F13A1: variants seen among roughly 807,000 people sequenced by gnomAD.
F13A1 encodes coagulation factor XIII A chain.
Under a neutral mutation model 80.1 loss-of-function variants are expected in F13A1, and 47 were observed. The observed-to-expected ratio is 0.59, with a 90% CI of 0.46 to 0.75. F13A1 has a LOEUF of 0.75. Among genes scored for constraint, F13A1 ranks in the 30% least tolerant of loss-of-function variants. The pLI is 0.00. For missense variants in F13A1, 817 were observed against 930.4 expected, an observed-to-expected ratio of 0.88 and a Z score of 1.59; for synonymous variants, 349 against 344.9, an observed-to-expected ratio of 1.01 and a Z score of -0.13.
chr6:6,283,316 A>G (rs1161466368), intron 3 of F13A1, among the ~76,000 whole-genome samples: 1 of 152,230 alleles, frequency 6.6e-6, no homozygotes, highest in Non-Finnish European at 1.5e-5. Context: ...TAAATATAAC[A>G]TGTGATCCTG....
rs937329305 is a variant in F13A1 at position 6,251,043 on chromosome 6, A to C, written c.572-114T>G. On this transcript the variant is annotated intron_variant, in intron 4 of 14. Coordinates refer to ENST00000264870, the MANE Select transcript of F13A1 (RefSeq NM_000129.4). ...ACTACATTTAATCAGCCAAATTTTTAAAAAATGCCCTTTGTTTCACCAAGC... is the reference window on the plus strand; with the variant it reads ...ACTACATTTAATCAGCCAAATTTTTCAAAAATGCCCTTTGTTTCACCAAGC... The C allele has an allele frequency of 6.3e-6, 5 of 796,688 alleles. No individual in the cohort carries two copies. The African/African-American group carries it at 8.7e-5, about 14-fold the overall frequency. 49.4% of individuals were successfully genotyped at this position (796,688 alleles called of 1,614,324 possible). A position where few individuals can be genotyped will look rare whatever the true frequency, so the allele number is the denominator to read the frequency against.
chr6:6,231,547 TAG>T (rs1442825834), intron 6 of F13A1, among the ~76,000 whole-genome samples: 7 of 152,218 alleles, frequency 4.6e-5, no homozygotes, highest in African/African-American at 1.7e-4. Flanking sequence ...GCTAGAGACC[TAG>T]ACATCCAAAT....
At chr6:6,169,726 C>T (rs962726750) in intron 12 of F13A1, among the ~76,000 whole-genome samples, 1 of 152,182 alleles carries the variant, frequency 6.6e-6, no homozygotes, top group Admixed American at 6.5e-5. Context: ...TGCAGTTAAA[C>T]ATCCTACAAT....
intron 10 of F13A1, among the ~76,000 whole-genome samples, chr6:6,189,385 C>T (rs374660418): frequency 1.1e-4 from 11 of 103,178 alleles, no homozygotes; most frequent in Non-Finnish European, 1.2e-4. Flanking sequence ...CCATGTTTAG[C>T]GCTTCCTTCA....
chr6:6,290,694 A>G (rs1311868693), intron 3 of F13A1, among the ~76,000 whole-genome samples: 4 of 152,210 alleles, frequency 2.6e-5, no homozygotes, highest in South Asian at 4.1e-4. Context: ...ACACTGTCCT[A>G]CTTTCTTAGA....
At chr6:6,183,636 T>C (rs891479849) in intron 10 of F13A1, among the ~76,000 whole-genome samples, 1 of 152,214 alleles carries the variant, frequency 6.6e-6, no homozygotes, top group African/African-American at 2.4e-5. Flanking sequence ...TACAGTGCGA[T>C]AAGTACCATG....
intron 3 of F13A1, among the ~76,000 whole-genome samples, chr6:6,277,501 T>G (rs944416437): frequency 2.6e-5 from 4 of 152,240 alleles, no homozygotes; most frequent in African/African-American, 4.8e-5. Context: ...TTTTTCTTTT[T>G]GTCTAGCAGC....
intron 3 of F13A1, among the ~76,000 whole-genome samples, chr6:6,273,586 A>G (rs1416291763): frequency 1.3e-5 from 2 of 152,204 alleles, no homozygotes; most frequent in Non-Finnish European, 2.9e-5. Context: ...ACAGGAATCT[A>G]TCATGTCTTC....
intron 10 of F13A1, among the ~76,000 whole-genome samples, chr6:6,183,690 A>C (rs1326160977): frequency 2.0e-5 from 3 of 152,202 alleles, no homozygotes; most frequent in Non-Finnish European, 4.4e-5. Flanking sequence ...GGGGCAGTGG[A>C]GTCAAGGGTT....
At chr6:6,285,713 G>A (rs528392181) in intron 3 of F13A1, among the ~76,000 whole-genome samples, 49 of 152,312 alleles carry the variant, frequency 3.2e-4, no homozygotes, top group African/African-American at 1.1e-3. Context: ...AATGGCAGGC[G>A]ACCATCAGGT....
rs3024396 is a variant in F13A1 at position 6,224,432 on chromosome 6, C to T, written c.973+254G>A. Among the ~76,000 whole-genome samples the T allele has an allele frequency of 4.2e-3, 646 of 152,030 alleles. 5 individuals are homozygous for T. Among genetic ancestry groups the T allele is most frequent in the African/African-American group, 0.015 (603 of 41,472 alleles). ...TTTTTACTGTAACCCTCTATTTCTT[C>T]GGGTGTTAAGTGATGGATTACACAG... On this transcript the variant is annotated intron_variant, in intron 7 of 14. Coordinates refer to ENST00000264870, the MANE Select transcript of F13A1 (RefSeq NM_000129.4).
intron 4 of F13A1, among the ~76,000 whole-genome samples, chr6:6,257,153 T>A (rs1378840765): frequency 6.6e-6 from 1 of 152,170 alleles, no homozygotes; most frequent in African/African-American, 2.4e-5. Flanking sequence ...GAGTGTGTAA[T>A]CACTCTTAGA....
At chr6:6,183,214 T>A (rs565962925) in intron 10 of F13A1, among the ~76,000 whole-genome samples, 103 of 152,158 alleles carry the variant, frequency 6.8e-4, no homozygotes, top group Admixed American at 1.2e-3. Context: ...CCCAAGCTCC[T>A]CTCCAAGCCT....
intron 2 of F13A1, among the ~76,000 whole-genome samples, chr6:6,310,245 G>T (rs1758570814): frequency 6.6e-6 from 1 of 152,218 alleles, no homozygotes; most frequent in African/African-American, 2.4e-5. Context: ...GCATTCATGT[G>T]AGACTTTAAT....
intron 10 of F13A1, among the ~76,000 whole-genome samples, chr6:6,192,427 T>C (rs1385738266): frequency 6.6e-6 from 1 of 152,142 alleles, no homozygotes; most frequent in African/African-American, 2.4e-5. Flanking sequence ...ATAGAGATTG[T>C]AGAAGTGGCT....
intron 10 of F13A1, among the ~76,000 whole-genome samples, chr6:6,187,616 T>C (rs1161678275): frequency 8.6e-6 from 1 of 116,548 alleles, no homozygotes; most frequent in Non-Finnish European, 1.8e-5. Flanking sequence ...CTGCTGGATT[T>C]GGTTTGCCAG....
chr6:6,182,116 G>A lies in F13A1; in HGVS notation c.1331C>T (p.Thr444Ile). The A allele has an allele frequency of 6.2e-7, 1 of 1,614,174 alleles. No homozygotes were observed. Among genetic ancestry groups the A allele is most frequent in the South Asian group, 1.1e-5 (1 of 91,086 alleles). ...AEVNSDLIYI[T>I]AKKDGTHVVE... ...CACATGAGTGCCATCTTTCTTAGCTGTAATGTAAATGAGGTCGCTGTTGAC... is the reference window on the plus strand; with the variant it reads ...CACATGAGTGCCATCTTTCTTAGCTATAATGTAAATGAGGTCGCTGTTGAC... Residue 444 changes from threonine to isoleucine, a missense_variant, in exon 11 of 15, where the codon ACA becomes ATA. Physicochemically the swap from Thr to Ile is moderately conservative, Grantham distance 89. Transcript: ENST00000264870.
At chr6:6,150,004 T>G (rs947573111) in intron 14 of F13A1, among the ~76,000 whole-genome samples, 2 of 152,002 alleles carry the variant, frequency 1.3e-5, no homozygotes, top group African/African-American at 4.9e-5. Flanking sequence ...GTCATTGCAC[T>G]GTGTAATAAT....
Position 6,266,610 on chromosome 6 carries a change from G to C in F13A1, c.519C>G (p.Thr173=), listed in dbSNP as rs199948219. Residue 173 remains threonine, a synonymous_variant, in exon 4 of 15, where the codon ACC becomes ACG. Coordinates refer to ENST00000264870, the MANE Select transcript of F13A1 (RefSeq NM_000129.4). ...AVWTPYGVLR[T]SRNPETDTYI... ...ACGTGTCTGTTTCTGGGTTTCGACT[G>C]GTTCGAAGTACGCCATAGGGAGTCC... is the stretch of plus-strand genomic sequence containing the variant. 8.7e-6 allele frequency: 14 copies of C among 1,614,178 alleles called. No homozygotes were observed. In the African/African-American group the frequency reaches 1.9e-4, roughly 22 times the overall value.
Sources: allele counts gnomAD v4.1 joint callset (sites outside exome capture counted in the v4.1 genomes callset), GRCh38; gene constraint gnomAD v4.1.1; transcripts MANE v1.5; gene names NCBI Gene and HGNC (gene_info 2026-07-23, HGNC 2026-07-21).